Variants in XRN1 observed in about 807,000 individuals in gnomAD.
The protein encoded by XRN1 is strand-exchange protein 1 homolog.
Under a neutral mutation model 222.3 loss-of-function variants are expected in XRN1, and 67 were observed. That is an observed-to-expected ratio of 0.30 (90% CI 0.25 to 0.37). The LOEUF (loss-of-function observed/expected upper bound fraction) is 0.37, where lower values mean the gene tolerates loss of function less well. XRN1 is among the 10% of genes least tolerant of loss of function. The probability of loss-of-function intolerance (pLI) is 1.00; values close to 1 mark genes in which losing one functional copy is unlikely to be tolerated. For synonymous variants in XRN1, 643 were observed against 652.4 expected, an observed-to-expected ratio of 0.99 and a Z score of 0.22; for missense variants, 1,707 against 2,000.2, an observed-to-expected ratio of 0.85 and a Z score of 2.80.
chr3:142,331,304 A>C (rs1425666557), intron 36 of XRN1, among the ~76,000 whole-genome samples: 1 of 152,184 alleles, frequency 6.6e-6, no homozygotes, highest in African/African-American at 2.4e-5. Context: ...AATATGGCGG[A>C]TATTTACTGA....
At position 142,426,735 on chromosome 3, in the gene XRN1, T is replaced by C. The variant is rs373068430; in HGVS notation, c.406+9A>G. 8 of 1,603,254 alleles carry C rather than the reference T, an allele frequency of 5.0e-6. No individual in the cohort carries two copies. The African/African-American group carries it at 9.4e-5, about 19-fold the overall frequency. On this transcript the variant is annotated intron_variant, in intron 3 of 40. Coordinates refer to ENST00000392981, the MANE Select transcript of XRN1 (RefSeq NM_001282857.2). ...AATTCTGTCATAATTTGTCTCTCAGTGAATTTACCTGGTGTGATACAGTTG... is the reference window on the plus strand; with the variant it reads ...AATTCTGTCATAATTTGTCTCTCAGCGAATTTACCTGGTGTGATACAGTTG...
Position 142,357,055 on chromosome 3 carries a change from G to C in XRN1, c.3529C>G (p.Arg1177Gly). ...AACTTCTGATTTCCAGTTTCAGAGCGACTCCCATGAGAAAGGTTCACCAAG... is the reference window on the plus strand; with the variant it reads ...AACTTCTGATTTCCAGTTTCAGAGCCACTCCCATGAGAAAGGTTCACCAAG... ...SALVNLSHGS[R>G]SETGNQKLTA... Residue 1177 changes from arginine to glycine, a missense_variant, in exon 31 of 41, where the codon CGC becomes GGC. Around this residue, in one of 2 missense-constraint regions of XRN1, gnomAD observed 1,234 missense variants for 1,518.2 expected, o/e 0.81. Transcript: ENST00000392981. 1 of 1,613,822 alleles carries C rather than the reference G, an allele frequency of 6.2e-7. No homozygotes were observed. Among genetic ancestry groups the C allele is most frequent in the African/African-American group, 1.3e-5 (1 of 75,030 alleles).
chr3:142,431,879 A>AT, intron 2 of XRN1, among the ~76,000 whole-genome samples: 2 of 56,798 alleles, frequency 3.5e-5, no homozygotes, highest in African/African-American at 2.5e-4. Context: ...ATTATATTAT[A>AT]TATATTATAT....
intron 39 of XRN1, among the ~76,000 whole-genome samples, chr3:142,315,424 T>C (rs145000013): frequency 1.7e-3 from 266 of 152,016 alleles, no homozygotes; most frequent in African/African-American, 6.2e-3. Context: ...CCAGTTCTGC[T>C]AGATAGTAAC....
chr3:142,375,978 A>G (rs753136230), intron 24 of XRN1, 34 bp from the exon 25 acceptor site: 6 of 1,332,456 alleles, frequency 4.5e-6, no homozygotes, highest in Admixed American at 2.5e-5. Flanking sequence ...ACACGTGCAC[A>G]CACACACACA....
At chr3:142,323,283 GTTTTT>G (rs570184478) in intron 37 of XRN1, among the ~76,000 whole-genome samples, 1 of 145,184 alleles carries the variant, frequency 6.9e-6, no homozygotes, top group African/African-American at 2.5e-5. Flanking sequence ...CACTCTTAAG[GTTTTT>G]TTTTTGTTTT....
At chr3:142,426,920 C>T (rs927661777) in intron 2 of XRN1, 79 bp from the exon 3 acceptor site, 8 of 1,026,392 alleles carry the variant, frequency 7.8e-6, no homozygotes, top group African/African-American at 6.5e-5. Context: ...TATGTAGGTG[C>T]CTTTATAACT....
chr3:142,400,348 A>C, intron 19 of XRN1, 96 bp downstream of exon 19: 7 of 996,514 alleles, frequency 7.0e-6, no homozygotes, highest in Non-Finnish European at 8.9e-6. Flanking sequence ...AATGTTCTTA[A>C]TATAATTTTG....
intron 20 of XRN1, among the ~76,000 whole-genome samples, chr3:142,391,671 G>A (rs1224248649): frequency 2.0e-5 from 3 of 150,026 alleles, no homozygotes; most frequent in African/African-American, 7.4e-5. Context: ...CCAGGTTGTG[G>A]TGAGGTATAA....
At chr3:142,351,549 A>C (rs150198465) in intron 32 of XRN1, among the ~76,000 whole-genome samples, 1 of 152,130 alleles carries the variant, frequency 6.6e-6, no homozygotes, top group East Asian at 1.9e-4. Flanking sequence ...CAGTATAGAC[A>C]ATTTTTTCAA....
At chr3:142,364,637 AAAC>A (rs1208790230) in intron 29 of XRN1, among the ~76,000 whole-genome samples, 5 of 152,178 alleles carry the variant, frequency 3.3e-5, no homozygotes. Flanking sequence ...TTAATCTCAG[AAAC>A]TAAGTGATTA....
intron 20 of XRN1, among the ~76,000 whole-genome samples, chr3:142,387,656 A>C (rs1034306040): frequency 1.3e-5 from 2 of 152,124 alleles, no homozygotes; most frequent in Non-Finnish European, 2.9e-5. Context: ...AAATGTATAT[A>C]TCTACTATGG....
intron 23 of XRN1, among the ~76,000 whole-genome samples, chr3:142,377,919 T>A (rs895777496): frequency 3.3e-5 from 5 of 152,212 alleles, no homozygotes; most frequent in Admixed American, 2.6e-4. Context: ...GTTTCATGAC[T>A]GCTGTCTAAA....
chr3:142,416,019 T>C (rs1031607362), intron 13 of XRN1, among the ~76,000 whole-genome samples: 1 of 151,396 alleles, frequency 6.6e-6, no homozygotes, highest in African/African-American at 2.4e-5. Flanking sequence ...GAAGGGGAGG[T>C]TGCAGCAGTG....
intron 12 of XRN1, 75 bp from the exon 13 acceptor site, chr3:142,417,304 A>C (rs1259964739): frequency 8.5e-7 from 1 of 1,176,960 alleles, no homozygotes; most frequent in Non-Finnish European, 1.2e-6. Context: ...GTATCTGCTG[A>C]TACAACATTT....
At chr3:142,371,208 T>A in intron 26 of XRN1, 31 bp downstream of exon 26, 28 of 1,535,292 alleles carry the variant, frequency 1.8e-5, no homozygotes, top group Non-Finnish European at 2.5e-5. Flanking sequence ...AATTGAACTA[T>A]GAGGTAATAA....
intron 34 of XRN1, 151 bp from the exon 35 acceptor site, chr3:142,333,240 T>G: frequency 1.1e-6 from 1 of 928,098 alleles, no homozygotes; most frequent in Non-Finnish European, 1.5e-6. Context: ...AATAAATAGT[T>G]TTTTACCTTA....
chr3:142,426,671 TA>T, intron 3 of XRN1, 72 bp downstream of exon 3: 1 of 1,419,570 alleles, frequency 7.0e-7, no homozygotes, highest in Non-Finnish European at 9.8e-7. Context: ...GCATAGAAAA[TA>T]AAATACATTT....
At chr3:142,351,887 G>C (rs1029891780) in intron 32 of XRN1, among the ~76,000 whole-genome samples, 1 of 143,182 alleles carries the variant, frequency 7.0e-6, no homozygotes, top group Non-Finnish European at 1.5e-5. Flanking sequence ...GAGAGAAGAA[G>C]AACATTTTTT....
Sources: allele counts gnomAD v4.1 joint callset (sites outside exome capture counted in the v4.1 genomes callset), GRCh38; gene constraint gnomAD v4.1.1; regional missense constraint gnomAD v4.1.1; transcripts MANE v1.5; gene names NCBI Gene and HGNC (gene_info 2026-07-23, HGNC 2026-07-21).